UNKL: variants seen among roughly 807,000 people sequenced by gnomAD.
UNKL encodes the protein unk like zinc finger, also known as putative E3 ubiquitin-protein ligase UNKL.
In UNKL, 60 loss-of-function variants were observed where a neutral mutation model predicts 78.0. That is an observed-to-expected ratio of 0.77 (90% CI 0.63 to 0.95). The LOEUF (loss-of-function observed/expected upper bound fraction) is 0.95, where lower values mean the gene tolerates loss of function less well. Among genes scored for constraint, UNKL ranks in the 40% least tolerant of loss-of-function variants. The pLI is 0.00. For synonymous variants in UNKL, 608 were observed against 474.8 expected (o/e 1.28, Z -3.65); for missense variants, 1,159 against 1,045.7 (o/e 1.11, Z -1.49).
intron 9 of UNKL, among the ~76,000 whole-genome samples, chr16:1,385,736 G>C (rs1292375447): frequency 6.6e-6 from 1 of 152,248 alleles, no homozygotes; most frequent in Non-Finnish European, 1.5e-5. Flanking sequence ...CGAGGGGCAA[G>C]CCGTGCAGCC....
intron 10 of UNKL, among the ~76,000 whole-genome samples, chr16:1,378,115 C>T (rs953223918): frequency 1.3e-5 from 2 of 152,172 alleles, no homozygotes; most frequent in Non-Finnish European, 2.9e-5. Flanking sequence ...ACACCAGTCC[C>T]CAGAAAGCTG....
intron 12 of UNKL, chr16:1,369,833 G>A: frequency 1.0e-6 from 1 of 969,924 alleles, no homozygotes; most frequent in South Asian, 1.5e-5. Context: ...AAACTAGCTG[G>A]GCGTGGTGGC....
chr16:1,408,088 G>C (rs1857998629), intron 2 of UNKL, among the ~76,000 whole-genome samples: 2 of 152,204 alleles, frequency 1.3e-5, no homozygotes, highest in African/African-American at 2.4e-5. Context: ...CTGGGAGACA[G>C]AGCCAGACCC....
chr16:1,392,424 A>C, intron 8 of UNKL, among the ~76,000 whole-genome samples: 1 of 150,028 alleles, frequency 6.7e-6, no homozygotes. Context: ...TAGAAGCCCA[A>C]CCCCCTCTTC....
chr16:1,401,522 T>TGGGGGGGGGGGG, intron 4 of UNKL, 46 bp downstream of exon 4: 1 of 1,467,602 alleles, frequency 6.8e-7, no homozygotes, highest in Non-Finnish European at 9.1e-7. Context: ...TCTCGCGCTG[T>TGGGGGGGGGGGG]GCCCGCCCCC....
chr16:1,401,287 T>C, intron 4 of UNKL: 1 of 343,270 alleles, frequency 2.9e-6, no homozygotes. Context: ...CGGTGGGAGT[T>C]GTGCTACCTC....
intron 5 of UNKL, chr16:1,398,679 G>GCGGCGCCCC: frequency 7.4e-7 from 1 of 1,356,374 alleles, no homozygotes; most frequent in Non-Finnish European, 9.5e-7. Flanking sequence ...TGTGGGGTCT[G>GCGGCGCCCC]CACCCCCCCA....
chr16:1,369,091 A>T (rs1358139308), intron 12 of UNKL, among the ~76,000 whole-genome samples: 1 of 94,662 alleles, frequency 1.1e-5, no homozygotes, highest in African/African-American at 4.1e-5. Flanking sequence ...TTTGAAATGG[A>T]GTCTAGCTCT....
intron 6 of UNKL, 78 bp downstream of exon 6, chr16:1,397,100 G>A (rs1484180002): frequency 6.9e-6 from 10 of 1,456,316 alleles, no homozygotes; most frequent in African/African-American, 2.8e-5. Context: ...CCTTCTGTGT[G>A]ATAACCACGC....
chr16:1,414,482 C>A (rs2038188588), intron 1 of UNKL, 133 bp downstream of exon 1: 1 of 187,252 alleles, frequency 5.3e-6, no homozygotes, highest in South Asian at 1.6e-4. Context: ...AGCAGAGGGT[C>A]GTGGCCCCCC....
intron 5 of UNKL, among the ~76,000 whole-genome samples, chr16:1,397,498 CAG>C (rs2037328668): frequency 5.3e-5 from 4 of 75,712 alleles, no homozygotes; most frequent in Non-Finnish European, 5.4e-5. Context: ...CAGGAGGACA[CAG>C]AGGACTTGGC....
At chr16:1,408,031 G>C (rs2037847472) in intron 2 of UNKL, among the ~76,000 whole-genome samples, 1 of 152,038 alleles carries the variant, frequency 6.6e-6, no homozygotes. Flanking sequence ...GCTGAGTCCA[G>C]GAGGCAGAGG....
At chr16:1,405,300 G>C (rs1050882285) in intron 2 of UNKL, among the ~76,000 whole-genome samples, 1 of 150,858 alleles carries the variant, frequency 6.6e-6, no homozygotes, top group South Asian at 2.1e-4. Context: ...AGGAAGGCAG[G>C]CAGCCAGCCA....
intron 9 of UNKL, among the ~76,000 whole-genome samples, chr16:1,385,939 T>C (rs915417228): frequency 5.3e-5 from 8 of 152,234 alleles, no homozygotes; most frequent in Admixed American, 3.3e-4. Flanking sequence ...CACAGGGCAA[T>C]TCACATGATC....
chr16:1,411,521 G>A (rs2038037256), intron 2 of UNKL, among the ~76,000 whole-genome samples: 1 of 151,162 alleles, frequency 6.6e-6, no homozygotes, highest in Admixed American at 6.6e-5. Flanking sequence ...CACAGAGCAA[G>A]ACCCTGTCTC....
At chr16:1,388,213 A>G (rs1280945503) in intron 9 of UNKL, among the ~76,000 whole-genome samples, 3 of 152,142 alleles carry the variant, frequency 2.0e-5, no homozygotes, top group Non-Finnish European at 2.9e-5. Flanking sequence ...GTGTCTGCAT[A>G]GAGCCCAAGA....
At chr16:1,398,501 CAAG>C in intron 5 of UNKL, 1 of 1,260,522 alleles carries the variant, frequency 7.9e-7, no homozygotes, top group Non-Finnish European at 1.0e-6. Flanking sequence ...GGCATAACAA[CAAG>C]GAGTGGGGCG....
intron 10 of UNKL, 39 bp from the exon 11 acceptor site, chr16:1,371,650 C>A: frequency 6.5e-7 from 1 of 1,528,716 alleles, no homozygotes; most frequent in South Asian, 1.2e-5. Flanking sequence ...GCCCACCCAG[C>A]GCTGCAGAGC....
chr16:1,382,308 C>T (rs1375489919), intron 10 of UNKL, among the ~76,000 whole-genome samples: 1 of 152,214 alleles, frequency 6.6e-6, no homozygotes, highest in African/African-American at 2.4e-5. Context: ...CAAAACAGGC[C>T]GGAGGGCGGA....
Sources: allele counts gnomAD v4.1 joint callset (sites outside exome capture counted in the v4.1 genomes callset), GRCh38; gene constraint gnomAD v4.1.1; transcripts MANE v1.5; gene names NCBI Gene and HGNC (gene_info 2026-07-23, HGNC 2026-07-21).